SH3BP5: variants seen among roughly 807,000 people sequenced by gnomAD.
SH3BP5 encodes SH3 domain binding protein 5, also known as SH3 domain-binding protein 5.
SH3BP5 carries 22 observed loss-of-function variants against 43.3 expected under a neutral mutation model. The observed-to-expected ratio is 0.51, with a 90% CI of 0.36 to 0.73. SH3BP5 has a LOEUF of 0.73. Ranked by LOEUF, SH3BP5 falls within the 30% of genes least tolerant of loss-of-function variation. The pLI is 0.00. For missense variants in SH3BP5, 529 were observed against 586.9 expected (o/e 0.90, Z 1.02); for synonymous variants, 255 against 225.8 (o/e 1.13, Z -1.16).
intron 2 of SH3BP5, among the ~76,000 whole-genome samples, chr3:15,321,956 G>C (rs537377149): frequency 1.3e-5 from 2 of 152,260 alleles, no homozygotes; most frequent in East Asian, 3.9e-4. Flanking sequence ...TATAATCCCA[G>C]TACTTTGGGA....
At chr3:15,265,774 C>G (rs952325034) in intron 4 of SH3BP5, among the ~76,000 whole-genome samples, 4 of 151,954 alleles carry the variant, frequency 2.6e-5, no homozygotes, top group Admixed American at 1.3e-4. Context: ...GTGTGGCAAA[C>G]TGCACCCCAT....
chr3:15,259,334 AAGTCCCAC>A (rs1267060729), intron 6 of SH3BP5: 1 of 543,174 alleles, frequency 1.8e-6, no homozygotes, highest in African/African-American at 1.9e-5. Flanking sequence ...AGACACACCA[AAGTCCCAC>A]AGTCTAGACA....
At chr3:15,295,733 G>A (rs927032096) in intron 3 of SH3BP5, among the ~76,000 whole-genome samples, 4 of 152,176 alleles carry the variant, frequency 2.6e-5, no homozygotes, top group Admixed American at 6.5e-5. Flanking sequence ...AGTAACATCC[G>A]CTGTGCATGA....
chr3:15,299,889 ATCT>A (rs1456889747), intron 3 of SH3BP5, among the ~76,000 whole-genome samples: 3 of 151,964 alleles, frequency 2.0e-5, no homozygotes, highest in African/African-American at 7.3e-5. Flanking sequence ...CCACTATGCT[ATCT>A]TCTTTTTCTC....
chr3:15,315,663 T>G (rs1338391847), intron 2 of SH3BP5, among the ~76,000 whole-genome samples: 1 of 152,160 alleles, frequency 6.6e-6, no homozygotes, highest in Non-Finnish European at 1.5e-5. Flanking sequence ...AGAACTCTGA[T>G]CTAACTATGA....
chr3:15,329,840 G>A (rs755851201), intron 2 of SH3BP5, among the ~76,000 whole-genome samples: 11 of 152,204 alleles, frequency 7.2e-5, no homozygotes, highest in Non-Finnish European at 1.5e-4. Flanking sequence ...CTGGAAAGGG[G>A]TGGGAACTAA....
intron 3 of SH3BP5, among the ~76,000 whole-genome samples, chr3:15,278,311 CT>C (rs1023921367): frequency 9.2e-5 from 14 of 152,374 alleles, no homozygotes; most frequent in African/African-American, 3.4e-4. Context: ...TCAATAACCC[CT>C]GGGGGGTCTC....
At chr3:15,332,657 C>G (rs1407396503), upstream of SH3BP5, 4 of 1,151,082 alleles carry the variant, frequency 3.5e-6, no homozygotes, top group Non-Finnish European at 4.3e-6. Context: ...CGTCCCGCCC[C>G]GGCCTCGCGT....
intron 3 of SH3BP5, among the ~76,000 whole-genome samples, chr3:15,288,379 T>C (rs1697322215): frequency 1.3e-5 from 2 of 152,200 alleles, no homozygotes; most frequent in Admixed American, 6.5e-5. Flanking sequence ...AGCAAGACTA[T>C]CAGTAGAACT....
intron 3 of SH3BP5, among the ~76,000 whole-genome samples, chr3:15,292,681 T>C (rs1697444908): frequency 2.0e-5 from 3 of 152,022 alleles, no homozygotes. Context: ...AAACCCCATC[T>C]CTACTAAAAA....
At chr3:15,337,680 A>C (rs1260591325) in intron 1 of SH3BP5, among the ~76,000 whole-genome samples, 4 of 151,948 alleles carry the variant, frequency 2.6e-5, no homozygotes, top group Non-Finnish European at 5.9e-5. Flanking sequence ...CCAAGGGAGG[A>C]GGATCGCTTG....
intron 4 of SH3BP5, among the ~76,000 whole-genome samples, chr3:15,267,313 C>T (rs1350958906): frequency 3.3e-5 from 5 of 152,232 alleles, no homozygotes; most frequent in East Asian, 1.9e-4. Flanking sequence ...CCATTACATT[C>T]GGAGAGCCTG....
chr3:15,257,170 A>C (rs1696240573), intron 7 of SH3BP5, 57 bp from the exon 8 acceptor site: 3 of 1,562,392 alleles, frequency 1.9e-6, no homozygotes, highest in Non-Finnish European at 2.6e-6. Context: ...AAACACCACA[A>C]GTGCTTGCTG....
intron 6 of SH3BP5, chr3:15,259,428 A>G (rs1696349419): frequency 1.9e-6 from 1 of 523,058 alleles, no homozygotes; most frequent in Non-Finnish European, 3.4e-6. Flanking sequence ...TCAGCTCACT[A>G]GACTCCAACC....
At chr3:15,260,588 T>C (rs1296746224) in intron 5 of SH3BP5, 1 of 152,182 alleles carries the variant, frequency 6.6e-6, no homozygotes, top group Non-Finnish European at 1.5e-5. Context: ...CATTGGTGGG[T>C]ATGAAAATCC....
chr3:15,320,640 A>ACACACACACACACGCT lies in SH3BP5; in HGVS notation c.201+9863_201+9864insAGCGTGTGTGTGTGTG, dbSNP rs373879792. Among the ~76,000 whole-genome samples the ACACACACACACACGCT allele has an allele frequency of 1.8e-3, 262 of 149,672 alleles. 1 individual carries two copies. Among genetic ancestry groups the ACACACACACACACGCT allele is most frequent in the Middle Eastern group, 0.01 (3 of 294 alleles). On this transcript the variant is annotated intron_variant, in intron 2 of 8. Transcript: ENST00000383791. ...CACACACACACACACACACACACAC[A>ACACACACACACACGCT]CCCCACTACGTTAAAGTCCCTACAA...
rs1696321524 is a variant in SH3BP5, at chr3:15,258,828, T to TA, written c.889+2dup. 1 of 1,612,298 alleles carries TA rather than the reference T, an allele frequency of 6.2e-7. No individual in the cohort carries two copies. Among genetic ancestry groups the TA allele is most frequent in the Non-Finnish European group, 8.5e-7 (1 of 1,178,782 alleles). ...CACATACCCAGTGGAGCCCCTGACTTACCAGAAATGGCATCAGGCTCAGGT... is the reference window on the plus strand; with the variant it reads ...CACATACCCAGTGGAGCCCCTGACTTAACCAGAAATGGCATCAGGCTCAGGT... On this transcript the variant is annotated splice_region_variant and intron_variant, in intron 7 of 8. Coordinates refer to ENST00000383791, the MANE Select transcript of SH3BP5 (RefSeq NM_004844.5).
chr3:15,273,906 G>A (rs1334725872), intron 3 of SH3BP5, among the ~76,000 whole-genome samples: 1 of 152,102 alleles, frequency 6.6e-6, no homozygotes, highest in Non-Finnish European at 1.5e-5. Flanking sequence ...TAGGAAGTGG[G>A]GCCTTTGGGA....
upstream of SH3BP5, among the ~76,000 whole-genome samples, chr3:15,334,278 T>C (rs58934327): frequency 0.03 from 4,555 of 152,236 alleles, 230 homozygotes; most frequent in African/African-American, 0.1. Flanking sequence ...CCTAATAGTC[T>C]TTCTAAAGAT....
Sources: allele counts gnomAD v4.1 joint callset (sites outside exome capture counted in the v4.1 genomes callset), GRCh38; gene constraint gnomAD v4.1.1; transcripts MANE v1.5; gene names NCBI Gene and HGNC (gene_info 2026-07-23, HGNC 2026-07-21).